The following PCDHGA3 variants were observed in gnomAD, a reference collection of about 807,000 sequenced individuals.
PCDHGA3 encodes protocadherin gamma subfamily A, 3, also known as protocadherin gamma-A3.
PCDHGA3 carries 40 observed loss-of-function variants against 58.5 expected under a neutral mutation model. That is an observed-to-expected ratio of 0.68 (90% CI 0.53 to 0.89). The LOEUF is 0.89. PCDHGA3 is among the 40% of genes least tolerant of loss of function. The pLI, the probability that PCDHGA3 is intolerant of heterozygous loss-of-function variation, is 0.00. For missense variants in PCDHGA3, 1,223 were observed against 1,195.9 expected (o/e 1.02, Z -0.33); for synonymous variants, 530 against 525.7 (o/e 1.01, Z -0.11).
At chr5:141,378,896 TTCTGTTA>T (rs1377436714) in intron 1 of PCDHGA3, 1 of 152,242 alleles carries the variant, frequency 6.6e-6, no homozygotes, top group Non-Finnish European at 1.5e-5. Context: ...AGATAGGAGA[TTCTGTTA>T]TCGACAGTCT....
chr5:141,377,884 G>C (rs975063251), intron 1 of PCDHGA3: 1 of 152,112 alleles, frequency 6.6e-6, no homozygotes, highest in Non-Finnish European at 1.5e-5. Flanking sequence ...ATCAGAGATA[G>C]GATCCCCCTC....
At chr5:141,497,771 C>T (rs2099779314) in intron 2 of PCDHGA3, among the ~76,000 whole-genome samples, 1 of 152,154 alleles carries the variant, frequency 6.6e-6, no homozygotes, top group Non-Finnish European at 1.5e-5. Context: ...ACTCCCCGAC[C>T]TCAACTGATC....
At chr5:141,481,722 G>A (rs546676646) in intron 1 of PCDHGA3, among the ~76,000 whole-genome samples, 1 of 152,214 alleles carries the variant, frequency 6.6e-6, no homozygotes, top group African/African-American at 2.4e-5. Flanking sequence ...GGGAGGCGGA[G>A]GCGGGCGGAT....
rs2099619316 is a variant in PCDHGA3, at chr5:141,485,794, C to A, written c.2425-9013C>A. The A allele has an allele frequency of 6.2e-7, 1 of 1,614,120 alleles. No homozygotes were observed. The highest frequency in any genetic ancestry group is 1.1e-5 in the South Asian group (1 of 91,092). On this transcript the variant is annotated intron_variant, in intron 1 of 3. Transcript: ENST00000253812. This position sits in a 1 kb window ranked among gnomAD's most constrained non-coding sequence, Gnocchi z 5.7. ...CTTTGGATCGAGAGAAGCAATCGGA[C>A]TACCGCCTGGTGCTGACTGCTGTCG...
chr5:141,372,444 C>A (rs756100994), intron 1 of PCDHGA3: 1 of 1,614,058 alleles, frequency 6.2e-7, no homozygotes, highest in Non-Finnish European at 8.5e-7. Flanking sequence ...TCCCTCTGAC[C>A]CTCAGGCGGA....
intron 1 of PCDHGA3, chr5:141,400,486 CT>C: frequency 1.2e-6 from 2 of 1,614,034 alleles, no homozygotes; most frequent in African/African-American, 1.3e-5. Context: ...CTTATTTCCA[CT>C]TTGTAATTCC....
intron 1 of PCDHGA3, chr5:141,360,617 A>G (rs370246057): frequency 1.9e-6 from 3 of 1,613,924 alleles, no homozygotes; most frequent in Middle Eastern, 1.6e-4. Flanking sequence ...CTGGATTCAG[A>G]TGTTGGTCCT....
chr5:141,388,729 G>T (rs1407038729), intron 1 of PCDHGA3: 10 of 1,614,012 alleles, frequency 6.2e-6, no homozygotes, highest in Non-Finnish European at 8.5e-6. Context: ...TTCTCTTTCA[G>T]TGAAGCTAGC....
chr5:141,510,083 G>A (rs2099879432), intron 3 of PCDHGA3, among the ~76,000 whole-genome samples: 1 of 152,104 alleles, frequency 6.6e-6, no homozygotes, highest in Non-Finnish European at 1.5e-5. Flanking sequence ...CAGAGTGCCT[G>A]GCACACAGTA....
chr5:141,490,419 G>C lies in PCDHGA3; in HGVS notation c.2425-4388G>C. The C allele has an allele frequency of 6.2e-7, 1 of 1,614,170 alleles. No homozygotes were observed. Among genetic ancestry groups the C allele is most frequent in the Non-Finnish European group, 8.5e-7 (1 of 1,180,020 alleles). ...TGAGCCTTGATATCTCTCCGGACCT[G>C]CCATTTCAGATTAAGCCTTCTGAGA... On this transcript the variant is annotated intron_variant, in intron 1 of 3. Transcript: ENST00000253812. The surrounding 1 kb of genome is among the most constrained non-coding windows in gnomAD (Gnocchi z 5.4).
At position 141,408,870 on chromosome 5, in the gene PCDHGA3, G is replaced by C. The variant is rs780987841; in HGVS notation, c.2424+62413G>C. ...TTGGACGGAGGGGACCCACCAAGAAGTGCCACCGCTCACATAGAAATTTCT... is the reference window on the plus strand; with the variant it reads ...TTGGACGGAGGGGACCCACCAAGAACTGCCACCGCTCACATAGAAATTTCT... On this transcript the variant is annotated intron_variant, in intron 1 of 3. Coordinates refer to ENST00000253812, the MANE Select transcript of PCDHGA3 (RefSeq NM_018916.4). The C allele has an allele frequency of 1.2e-6, 2 of 1,613,656 alleles. No homozygotes were observed. Among genetic ancestry groups the C allele is most frequent in the South Asian group, 1.1e-5 (1 of 91,026 alleles).
chr5:141,418,517 C>G, intron 1 of PCDHGA3: 1 of 1,613,918 alleles, frequency 6.2e-7, no homozygotes. Flanking sequence ...TGGTGGGGAC[C>G]CTCCCCGAAG....
At chr5:141,444,599 A>G (rs373366708) in intron 1 of PCDHGA3, among the ~76,000 whole-genome samples, 2 of 152,108 alleles carry the variant, frequency 1.3e-5, no homozygotes, top group African/African-American at 2.4e-5. Flanking sequence ...CCTTATTTAA[A>G]ATTGATTTTT....
intron 1 of PCDHGA3, among the ~76,000 whole-genome samples, chr5:141,488,571 A>G (rs2099677106): frequency 6.6e-6 from 1 of 152,194 alleles, no homozygotes; most frequent in East Asian, 1.9e-4. Flanking sequence ...TCCGCAAAGC[A>G]TTGCTGGAGA....
chr5:141,364,374 T>C (rs1015001809), intron 1 of PCDHGA3: 42 of 1,573,582 alleles, frequency 2.7e-5, no homozygotes, highest in Non-Finnish European at 3.6e-5. Flanking sequence ...GAGCTGCTGC[T>C]GCCCTTCATG....
chr5:141,423,237 C>T (rs761825236), intron 1 of PCDHGA3: 74 of 1,613,798 alleles, frequency 4.6e-5, no homozygotes, highest in Middle Eastern at 3.3e-4. Flanking sequence ...ACAGCATCCC[C>T]GAAGTCCTGG....
chr5:141,487,811 A>C lies in PCDHGA3; in HGVS notation c.2425-6996A>C, dbSNP rs1389081995. 2 of 1,414,662 alleles carry C rather than the reference A, an allele frequency of 1.4e-6. No homozygotes were observed. The highest frequency in any genetic ancestry group is 1.9e-6 in the Non-Finnish European group (2 of 1,041,698). The allele number at this position is 1,414,662 out of a possible 1,614,324, so 87.6% of individuals were successfully genotyped here. On this transcript the variant is annotated intron_variant, in intron 1 of 3. Coordinates refer to ENST00000253812, the MANE Select transcript of PCDHGA3 (RefSeq NM_018916.4). This position sits in a 1 kb window ranked among gnomAD's most constrained non-coding sequence, Gnocchi z 5.0. ...TTAACCAGAGTTGTCACAGTTTAGC[A>C]TTGGGGGCGGGTCATGCCTATATCT...
chr5:141,387,492 G>C (rs779250536), intron 1 of PCDHGA3, among the ~76,000 whole-genome samples: 1 of 152,220 alleles, frequency 6.6e-6, no homozygotes, highest in Non-Finnish European at 1.5e-5. Flanking sequence ...GCATTCCTAA[G>C]AGTACATTTT....
intron 1 of PCDHGA3, among the ~76,000 whole-genome samples, chr5:141,402,701 G>T (rs1561683907): frequency 1.3e-5 from 2 of 152,178 alleles, no homozygotes; most frequent in African/African-American, 2.4e-5. Context: ...ACATCAGTGG[G>T]TGTAGTAACG....
Sources: gnomAD v4.1 joint callset for allele counts (sites outside exome capture counted in the v4.1 genomes callset) on GRCh38, gnomAD v4.1.1 for gene constraint, Gnocchi (gnomAD v3.1) non-coding constraint, MANE v1.5 for transcripts, NCBI Gene and HGNC (gene_info 2026-07-23, HGNC 2026-07-21) for gene names.